DAB1: variants seen among roughly 807,000 people sequenced by gnomAD.
The protein encoded by DAB1 is DAB adaptor protein 1.
A neutral mutation model predicts 64.6 loss-of-function variants in DAB1; 15 were observed. The observed-to-expected ratio is 0.23, with a 90% CI of 0.16 to 0.36. The LOEUF (loss-of-function observed/expected upper bound fraction) is 0.36. DAB1 is among the 10% of genes least tolerant of loss of function. The pLI, the probability that DAB1 is intolerant of heterozygous loss-of-function variation, is 1.00. For synonymous variants in DAB1, 235 were observed against 251.9 expected (o/e 0.93, Z 0.64); for missense variants, 596 against 706.7 (o/e 0.84, Z 1.78).
chr1:58,057,958 A>G (rs1297059889), intron 5 of DAB1, among the ~76,000 whole-genome samples: 3 of 147,828 alleles, frequency 2.0e-5, no homozygotes, highest in Admixed American at 6.9e-5. Context: ...TGACCATCCA[A>G]GTCTAGCTTA....
At chr1:57,249,684 T>G (rs1157360408) in intron 2 of DAB1, among the ~76,000 whole-genome samples, 1 of 152,158 alleles carries the variant, frequency 6.6e-6, no homozygotes, top group Admixed American at 6.5e-5. Flanking sequence ...AACCTTATGG[T>G]CCTACTTACA....
intron 3 of DAB1, among the ~76,000 whole-genome samples, chr1:58,484,593 C>T (rs1165449352): frequency 6.6e-6 from 1 of 152,038 alleles, no homozygotes; most frequent in African/African-American, 2.4e-5. Context: ...AAGTTAAATG[C>T]CGGGCAAGGA....
At chr1:58,205,243 AT>A (rs146540774) in intron 4 of DAB1, among the ~76,000 whole-genome samples, 28,699 of 151,884 alleles carry the variant, frequency 0.19, 2,903 homozygotes, top group East Asian at 0.37. Flanking sequence ...GGCAAGACTT[AT>A]TTTTTTTCTC....
At chr1:57,207,601 G>A (rs1018504643) in intron 2 of DAB1, among the ~76,000 whole-genome samples, 3 of 148,374 alleles carry the variant, frequency 2.0e-5, no homozygotes, top group South Asian at 2.2e-4. Flanking sequence ...CCGCCACTAC[G>A]CCCAGCTAAT....
intron 3 of DAB1, among the ~76,000 whole-genome samples, chr1:58,356,380 G>A (rs1202821981): frequency 1.3e-5 from 2 of 152,116 alleles, no homozygotes; most frequent in African/African-American, 2.4e-5. Flanking sequence ...ATTTTAGAGC[G>A]AGACAAAAAT....
intron 4 of DAB1, among the ~76,000 whole-genome samples, chr1:58,152,757 T>C (rs1245934405): frequency 6.6e-6 from 1 of 152,254 alleles, no homozygotes; most frequent in Non-Finnish European, 1.5e-5. Context: ...TCTATTATTC[T>C]CAACCAATCA....
intron 4 of DAB1, among the ~76,000 whole-genome samples, chr1:58,313,029 C>G (rs1662466022): frequency 6.6e-6 from 1 of 152,090 alleles, no homozygotes; most frequent in Non-Finnish European, 1.5e-5. Context: ...GGGGCCTATT[C>G]TGATTGTGAT....
intron 4 of DAB1, among the ~76,000 whole-genome samples, chr1:58,164,828 G>A (rs1169532343): frequency 1.3e-5 from 2 of 152,080 alleles, no homozygotes; most frequent in Non-Finnish European, 2.9e-5. Flanking sequence ...ATCCTCATGA[G>A]CTCCTTTCAG....
chr1:58,206,085 G>A (rs191253894), intron 4 of DAB1, among the ~76,000 whole-genome samples: 234 of 152,270 alleles, frequency 1.5e-3, no homozygotes, highest in Middle Eastern at 0.014. Context: ...AAGGACGTGC[G>A]CCCATGACAC....
At chr1:57,233,951 T>C (rs1328467427) in intron 2 of DAB1, among the ~76,000 whole-genome samples, 3 of 151,846 alleles carry the variant, frequency 2.0e-5, no homozygotes, top group Non-Finnish European at 2.9e-5. Context: ...CCAAAACGGG[T>C]CAATTTAGAA....
Position 57,488,896 on chromosome 1 carries a change from T to A in DAB1, n.625+160696A>T, listed in dbSNP as rs1404739415. Among the ~76,000 whole-genome samples, 9 of 152,206 alleles carry A rather than the reference T, an allele frequency of 5.9e-5. No individual in the cohort carries two copies. In the East Asian group the frequency reaches 1.7e-3, roughly 29 times the overall value. On this transcript the variant is annotated intron_variant and non_coding_transcript_variant, in intron 7 of 20. Transcript: ENST00000485760. ...GTGTAAAGGTAAGAAATATATGCCA[T>A]CTGGCATAAACTAGAAGCTTAATAA...
intron 2 of DAB1, among the ~76,000 whole-genome samples, chr1:57,247,030 A>T (rs923198870): frequency 1.3e-5 from 2 of 151,802 alleles, no homozygotes; most frequent in African/African-American, 4.9e-5. Context: ...CTTTTCTCAG[A>T]TGAGACTTTG....
chr1:58,233,164 T>C (rs185744541), intron 4 of DAB1, among the ~76,000 whole-genome samples: 280 of 152,332 alleles, frequency 1.8e-3, no homozygotes, highest in African/African-American at 6.4e-3. Flanking sequence ...CTTAATCACC[T>C]CTTTTTCTCC....
chr1:57,145,216 T>G, intron 3 of DAB1, 74 bp downstream of exon 3: 1 of 1,427,578 alleles, frequency 7.0e-7, no homozygotes, highest in South Asian at 1.2e-5. Context: ...TTATTTACAA[T>G]TATGATGGTA....
chr1:57,670,900 G>A (rs1646502950), intron 6 of DAB1, among the ~76,000 whole-genome samples: 2 of 152,092 alleles, frequency 1.3e-5, no homozygotes, highest in African/African-American at 4.8e-5. Flanking sequence ...AACCCACAGT[G>A]TTCATGTCCC....
intron 3 of DAB1, among the ~76,000 whole-genome samples, chr1:58,405,514 C>T (rs1644609067): frequency 6.6e-6 from 1 of 152,002 alleles, no homozygotes; most frequent in South Asian, 2.1e-4. Flanking sequence ...TACAGGCATG[C>T]ACCATCACAC....
chr1:57,683,724 G>A (rs1646663629), intron 6 of DAB1, among the ~76,000 whole-genome samples: 2 of 152,138 alleles, frequency 1.3e-5, no homozygotes, highest in African/African-American at 4.8e-5. Flanking sequence ...AAAAGCAAGA[G>A]TATCTCCTTA....
At chr1:58,375,957 A>T (rs1437620516) in intron 3 of DAB1, among the ~76,000 whole-genome samples, 1 of 146,886 alleles carries the variant, frequency 6.8e-6, no homozygotes, top group Non-Finnish European at 1.5e-5. Flanking sequence ...TAGATTTTCT[A>T]GTTTATTTGC....
chr1:57,565,551 T>G (rs945029971), intron 7 of DAB1, among the ~76,000 whole-genome samples: 1 of 151,930 alleles, frequency 6.6e-6, no homozygotes, highest in African/African-American at 2.4e-5. Flanking sequence ...GAGACACAAG[T>G]AGGCTCAAAA....
Sources: gnomAD v4.1 joint callset for allele counts (sites outside exome capture counted in the v4.1 genomes callset) on GRCh38, gnomAD v4.1.1 for gene constraint, MANE v1.5 for transcripts, NCBI Gene and HGNC (gene_info 2026-07-23, HGNC 2026-07-21) for gene names.